PLOD2: variants seen among roughly 807,000 people sequenced by gnomAD.
The protein encoded by PLOD2 is lysine hydroxylase 2.
Under a neutral mutation model 101.0 loss-of-function variants are expected in PLOD2, and 65 were observed. The ratio of observed to expected loss-of-function variants is 0.64; its 90% CI spans 0.53 to 0.79. The LOEUF (loss-of-function observed/expected upper bound fraction) is 0.79. Among genes scored for constraint, PLOD2 ranks in the 30% least tolerant of loss-of-function variants. The pLI, the probability that PLOD2 is intolerant of heterozygous loss-of-function variation, is 0.00. For synonymous variants in PLOD2, 314 were observed against 302.9 expected (o/e 1.04, Z -0.38); for missense variants, 909 against 914.6 (o/e 0.99, Z 0.08).
chr3:146,071,529 CA>C, intron 17 of PLOD2, 106 bp from the exon 18 acceptor site: 2 of 1,086,076 alleles, frequency 1.8e-6, no homozygotes, highest in Non-Finnish European at 2.8e-6. Context: ...ATAAAAATAA[CA>C]GTTGTTCCAA....
At chr3:146,143,212 A>C (rs1206920191) in intron 1 of PLOD2, among the ~76,000 whole-genome samples, 1 of 152,016 alleles carries the variant, frequency 6.6e-6, no homozygotes, top group East Asian at 1.9e-4. Flanking sequence ...CACAAAGAAG[A>C]CTATAAGTTT....
At chr3:146,072,069 G>C (rs971036999) in intron 17 of PLOD2, among the ~76,000 whole-genome samples, 1 of 151,714 alleles carries the variant, frequency 6.6e-6, no homozygotes, top group Admixed American at 6.6e-5. Flanking sequence ...ACTGGCAGTA[G>C]TATTTCCTGC....
At chr3:146,142,633 T>C (rs2031576738) in intron 1 of PLOD2, among the ~76,000 whole-genome samples, 1 of 151,918 alleles carries the variant, frequency 6.6e-6, no homozygotes, top group African/African-American at 2.4e-5. Context: ...GGAGGCAGAG[T>C]AGGGTCTGTT....
chr3:146,131,090 C>T (rs1009346512), intron 1 of PLOD2, among the ~76,000 whole-genome samples: 2 of 152,188 alleles, frequency 1.3e-5, no homozygotes, highest in Non-Finnish European at 2.9e-5. Flanking sequence ...AAGTTATGGG[C>T]ACTGAATCTC....
intron 12 of PLOD2, 102 bp from the exon 13 acceptor site, chr3:146,079,359 T>C: frequency 1.2e-6 from 1 of 816,108 alleles, no homozygotes; most frequent in Non-Finnish European, 2.0e-6. Context: ...AGATTTTGTA[T>C]ACATAAATTA....
At chr3:146,153,679 G>A (rs1473411593) in intron 1 of PLOD2, among the ~76,000 whole-genome samples, 1 of 152,152 alleles carries the variant, frequency 6.6e-6, no homozygotes, top group Non-Finnish European at 1.5e-5. Context: ...GCCTGTGGGA[G>A]GGTCAAGCTG....
intron 1 of PLOD2, among the ~76,000 whole-genome samples, chr3:146,144,622 A>C (rs1227442638): frequency 6.6e-6 from 1 of 151,958 alleles, no homozygotes; most frequent in Non-Finnish European, 1.5e-5. Context: ...GTCAAATGGC[A>C]AACAAGCTAT....
chr3:146,115,997 G>A (rs540274333), intron 3 of PLOD2, among the ~76,000 whole-genome samples: 1 of 152,230 alleles, frequency 6.6e-6, no homozygotes, highest in South Asian at 2.1e-4. Context: ...AGCCAAAAAA[G>A]AAAGCAACAG....
intron 1 of PLOD2, among the ~76,000 whole-genome samples, chr3:146,148,334 G>GCATGCACA (rs111340998): frequency 7.8e-5 from 2 of 25,504 alleles, no homozygotes; most frequent in Non-Finnish European, 1.9e-4. Flanking sequence ...AGGCAGGCAG[G>GCATGCACA]CACGCACACA....
At chr3:146,095,633 G>A (rs769954975) in intron 7 of PLOD2, among the ~76,000 whole-genome samples, 78 of 152,108 alleles carry the variant, frequency 5.1e-4, no homozygotes, top group Non-Finnish European at 7.4e-4. Context: ...TTCAACCATT[G>A]TGGAAGAGAG....
intron 3 of PLOD2, among the ~76,000 whole-genome samples, chr3:146,118,406 C>A (rs1359258628): frequency 3.9e-5 from 6 of 152,086 alleles, no homozygotes; most frequent in Admixed American, 6.6e-5. Context: ...ACTGGGACTT[C>A]ATTATATTAA....
intron 2 of PLOD2, among the ~76,000 whole-genome samples, chr3:146,122,789 T>C (rs2030260263): frequency 1.3e-5 from 2 of 152,188 alleles, no homozygotes; most frequent in South Asian, 4.1e-4. Context: ...AAGTAGTATC[T>C]ACCTTACATG....
At chr3:146,123,720 A>G (rs2030355465) in intron 2 of PLOD2, among the ~76,000 whole-genome samples, 1 of 149,028 alleles carries the variant, frequency 6.7e-6, no homozygotes, top group African/African-American at 2.5e-5. Context: ...CCAGAAAGAA[A>G]TTATATATAT....
intron 3 of PLOD2, among the ~76,000 whole-genome samples, chr3:146,119,004 T>C (rs1342278360): frequency 6.6e-6 from 1 of 152,152 alleles, no homozygotes; most frequent in African/African-American, 2.4e-5. Context: ...CAGACCATAG[T>C]TGATATAATT....
chr3:146,128,317 C>A (rs1351492665), intron 1 of PLOD2, among the ~76,000 whole-genome samples: 1 of 151,998 alleles, frequency 6.6e-6, no homozygotes, highest in Non-Finnish European at 1.5e-5. Context: ...ATACCTGGCA[C>A]CATGAGGTTA....
At chr3:146,103,417 A>G (rs1937459992) in intron 6 of PLOD2, among the ~76,000 whole-genome samples, 1 of 152,212 alleles carries the variant, frequency 6.6e-6, no homozygotes, top group African/African-American at 2.4e-5. Flanking sequence ...CATCGTCTTA[A>G]AATTTCCTGA....
At chr3:146,124,795 T>C (rs1175414931) in intron 1 of PLOD2, among the ~76,000 whole-genome samples, 1 of 152,164 alleles carries the variant, frequency 6.6e-6, no homozygotes, top group Non-Finnish European at 1.5e-5. Context: ...TGAAAATTCT[T>C]ACAAGCGACA....
chr3:146,083,100 T>G (rs1435485606), intron 11 of PLOD2, among the ~76,000 whole-genome samples: 2 of 152,158 alleles, frequency 1.3e-5, no homozygotes, highest in Non-Finnish European at 2.9e-5. Flanking sequence ...ACATTTAATT[T>G]AAAAAGAACT....
intron 10 of PLOD2, chr3:146,085,929 C>T (rs17412259): frequency 0.089 from 13,481 of 152,120 alleles, 770 homozygotes; most frequent in South Asian, 0.14. Context: ...CATATTTGTT[C>T]GAAGCAACTA....
Sources: gnomAD v4.1 joint callset for allele counts (sites outside exome capture counted in the v4.1 genomes callset) on GRCh38, gnomAD v4.1.1 for gene constraint, MANE v1.5 for transcripts, NCBI Gene and HGNC (gene_info 2026-07-23, HGNC 2026-07-21) for gene names.